The following XPR1 variants were observed in gnomAD, a reference collection of about 807,000 sequenced individuals.
XPR1 encodes the protein xenotropic and polytropic retrovirus receptor 1.
In XPR1, 28 loss-of-function variants were observed where a neutral mutation model predicts 87.5. The observed-to-expected ratio is 0.32, with a 90% CI of 0.24 to 0.44. XPR1 has a LOEUF of 0.44. XPR1 is among the 20% of genes least tolerant of loss of function. XPR1 has a pLI of 1.00. For synonymous variants in XPR1, 300 were observed against 306.1 expected (o/e 0.98, Z 0.21); for missense variants, 559 against 862.3 (o/e 0.65, Z 4.41).
chr1:180,635,638 G>C (rs1170954327), intron 1 of XPR1, among the ~76,000 whole-genome samples: 1 of 152,106 alleles, frequency 6.6e-6, no homozygotes, highest in African/African-American at 2.4e-5. Flanking sequence ...TATCTACCTT[G>C]TTTTTCCAGG....
intron 2 of XPR1, among the ~76,000 whole-genome samples, chr1:180,689,556 C>G (rs1297205624): frequency 6.6e-6 from 1 of 151,852 alleles, no homozygotes; most frequent in African/African-American, 2.4e-5. Flanking sequence ...ACAGTAGATA[C>G]AGAGCTTAGA....
intron 2 of XPR1, among the ~76,000 whole-genome samples, chr1:180,710,305 A>AGT (rs989455593): frequency 3.1e-4 from 47 of 151,666 alleles, no homozygotes; most frequent in African/African-American, 1.1e-3. Flanking sequence ...CAGATAAACA[A>AGT]GTGAACAAAG....
chr1:180,865,771 A>G (rs1274162057), intron 12 of XPR1, among the ~76,000 whole-genome samples: 1 of 152,242 alleles, frequency 6.6e-6, no homozygotes, highest in Admixed American at 6.5e-5. Context: ...TTTCTAGGTA[A>G]TAAAATTAGT....
chr1:180,668,504 T>C (rs1048402100), intron 1 of XPR1, among the ~76,000 whole-genome samples: 3 of 152,142 alleles, frequency 2.0e-5, no homozygotes, highest in African/African-American at 7.2e-5. Flanking sequence ...ATGTTAGGTT[T>C]GAAATCCATT....
At position 180,632,228 on chromosome 1, in the gene XPR1, G is replaced by T; in HGVS notation, c.27G>T (p.Ala9=). Residue 9 remains alanine (A), a synonymous_variant, in exon 1 of 15, where the codon GCG becomes GCT. Coordinates refer to ENST00000367590, the MANE Select transcript of XPR1 (RefSeq NM_004736.4). The stretch of plus-strand genomic sequence containing the variant: ...TGAAGTTCGCCGAGCACCTCTCCGC[G>T]CACATCACTCCCGAGTGGAGGAAGC... The part of the protein sequence containing the change: MKFAEHLS[A]HITPEWRKQY... 1 of 1,611,706 alleles carries T rather than the reference G, an allele frequency of 6.2e-7. No homozygotes were observed. The highest frequency in any genetic ancestry group is 8.5e-7 in the Non-Finnish European group (1 of 1,178,804).
chr1:180,656,617 TATTTTA>T (rs1429352580), intron 1 of XPR1, among the ~76,000 whole-genome samples: 2 of 108,146 alleles, frequency 1.8e-5, no homozygotes, highest in African/African-American at 7.5e-5. Context: ...ATGTATAATA[TATTTTA>T]TATATGTATG....
intron 9 of XPR1, among the ~76,000 whole-genome samples, chr1:180,834,656 T>C (rs1468017194): frequency 6.6e-6 from 1 of 152,224 alleles, no homozygotes; most frequent in Non-Finnish European, 1.5e-5. Context: ...CCTGCTTTTT[T>C]TCCTCCTTTA....
chr1:180,733,066 C>T (rs1264528561), intron 2 of XPR1, among the ~76,000 whole-genome samples: 9 of 152,202 alleles, frequency 5.9e-5, no homozygotes, highest in Non-Finnish European at 8.8e-5. Context: ...TTCCTCTCGA[C>T]GTCCAGCCGC....
intron 2 of XPR1, among the ~76,000 whole-genome samples, chr1:180,741,957 A>G (rs1476251988): frequency 6.6e-6 from 1 of 152,148 alleles, no homozygotes; most frequent in Non-Finnish European, 1.5e-5. Flanking sequence ...TTTTCTCAGT[A>G]TCCTTGAATG....
At chr1:180,853,295 T>C (rs1233379359) in intron 11 of XPR1, among the ~76,000 whole-genome samples, 4 of 152,228 alleles carry the variant, frequency 2.6e-5, no homozygotes, top group Non-Finnish European at 4.4e-5. Context: ...ATTTCTATTC[T>C]ATCTTTCAGT....
chr1:180,889,865 T>C lies in XPR1; in HGVS notation c.*5799T>C, dbSNP rs944544949. The C allele has an allele frequency of 4.3e-4, 66 of 152,226 alleles. No individual in the cohort carries two copies. The highest frequency in any genetic ancestry group is 1.5e-3 in the African/African-American group (61 of 41,448). The allele number at this position is 152,226 out of a possible 1,614,324, so 9.4% of individuals were successfully genotyped here. ...TATTCTATGAAACCCTGAGCTATAGTTGTCAAAAGTAACTATGGATTGTGA... is the reference window on the plus strand; with the variant it reads ...TATTCTATGAAACCCTGAGCTATAGCTGTCAAAAGTAACTATGGATTGTGA... On this transcript the variant is annotated 3_prime_UTR_variant, in exon 15 of 15. Transcript: ENST00000367590.
At chr1:180,848,104 T>TG (rs936077812) in intron 11 of XPR1, among the ~76,000 whole-genome samples, 2 of 152,206 alleles carry the variant, frequency 1.3e-5, no homozygotes, top group Non-Finnish European at 2.9e-5. Flanking sequence ...TACATAGTGA[T>TG]GTTCTGTATA....
chr1:180,677,048 A>G (rs1003850466), intron 1 of XPR1, among the ~76,000 whole-genome samples: 1 of 152,198 alleles, frequency 6.6e-6, no homozygotes, highest in African/African-American at 2.4e-5. Context: ...AATTGCTAAC[A>G]TTAGCTGGGT....
At chr1:180,754,588 G>T (rs1047333012) in intron 2 of XPR1, among the ~76,000 whole-genome samples, 2 of 151,922 alleles carry the variant, frequency 1.3e-5, no homozygotes, top group Non-Finnish European at 2.9e-5. Flanking sequence ...GGCTTCCCGA[G>T]TATCTGGGAC....
At chr1:180,649,165 C>T (rs1655212611) in intron 1 of XPR1, among the ~76,000 whole-genome samples, 1 of 152,042 alleles carries the variant, frequency 6.6e-6, no homozygotes, top group Admixed American at 6.5e-5. Context: ...GTGGCTCACG[C>T]CTGTAATCCC....
chr1:180,789,759 A>T (rs1247739166), intron 3 of XPR1, among the ~76,000 whole-genome samples: 2 of 151,564 alleles, frequency 1.3e-5, no homozygotes, highest in African/African-American at 4.9e-5. Context: ...AACCATTTTG[A>T]CCCCTGTGTT....
intron 1 of XPR1, among the ~76,000 whole-genome samples, chr1:180,680,990 T>C (rs770941370): frequency 6.6e-6 from 1 of 152,352 alleles, no homozygotes; most frequent in South Asian, 2.1e-4. Context: ...CTCACTCATA[T>C]GTGGAACCTA....
In XPR1 at chr1:180,790,487, A is replaced by G. The variant is rs567617257; in HGVS notation, c.223+2633A>G. 2.0e-5 allele frequency among the ~76,000 whole-genome samples: 3 copies of G among 152,164 alleles called. No individual in the cohort carries two copies. In the East Asian group the frequency reaches 5.8e-4, roughly 29 times the overall value. On this transcript the variant is annotated intron_variant, in intron 3 of 14. Transcript: ENST00000367590. ...CAAGAGCCATGAAAGAACATGGCAT[A>G]TATGCATGTCTCTTTCACCAGGATA...
chr1:180,833,170 T>C (rs1273298200), intron 9 of XPR1, among the ~76,000 whole-genome samples: 4 of 152,060 alleles, frequency 2.6e-5, no homozygotes, highest in South Asian at 2.1e-4. Flanking sequence ...TTGTCTGTTA[T>C]TGGAAGCACT....
Sources: gnomAD v4.1 joint callset for allele counts (sites outside exome capture counted in the v4.1 genomes callset) on GRCh38, gnomAD v4.1.1 for gene constraint, MANE v1.5 for transcripts, NCBI Gene and HGNC (gene_info 2026-07-23, HGNC 2026-07-21) for gene names.